Variants in RABGAP1 observed in about 807,000 individuals in gnomAD.
RABGAP1 encodes RAB GTPase activating protein 1.
A neutral mutation model predicts 137.6 loss-of-function variants in RABGAP1; 23 were observed. The ratio of observed to expected loss-of-function variants is 0.17; its 90% confidence interval spans 0.12 to 0.24. The LOEUF (loss-of-function observed/expected upper bound fraction) is 0.24. Ranked by LOEUF, RABGAP1 falls within the 10% of genes least tolerant of loss-of-function variation. The pLI is 1.00. For missense variants in RABGAP1, 906 were observed against 1,275.8 expected, an observed-to-expected ratio of 0.71 and a Z score of 4.42; for synonymous variants, 451 against 450.7, an observed-to-expected ratio of 1.00 and a Z score of -0.01.
chr9:123,004,546 G>A (rs890739860), intron 10 of RABGAP1, among the ~76,000 whole-genome samples: 1 of 152,008 alleles, frequency 6.6e-6, no homozygotes, highest in Non-Finnish European at 1.5e-5. Flanking sequence ...GCCTCCCAAA[G>A]TGCTGAGATT....
At chr9:122,941,951 C>CCCG (rs1163701702) in intron 1 of RABGAP1, among the ~76,000 whole-genome samples, 2 of 152,230 alleles carry the variant, frequency 1.3e-5, no homozygotes, top group African/African-American at 4.8e-5. Context: ...TGCTAGTGTT[C>CCCG]CCGCTACTAG....
intron 12 of RABGAP1, among the ~76,000 whole-genome samples, chr9:123,016,635 A>G (rs1318653596): frequency 6.6e-6 from 1 of 152,222 alleles, no homozygotes; most frequent in Non-Finnish European, 1.5e-5. Flanking sequence ...CTCCTTGAAT[A>G]GGATGCCAGT....
intron 15 of RABGAP1, among the ~76,000 whole-genome samples, chr9:123,071,813 G>A (rs1180556621): frequency 6.6e-6 from 1 of 152,170 alleles, no homozygotes; most frequent in East Asian, 1.9e-4. Flanking sequence ...AGAGAATAGA[G>A]TGTTAATGGG....
intron 13 of RABGAP1, among the ~76,000 whole-genome samples, chr9:123,022,607 A>G (rs1430246488): frequency 1.3e-5 from 2 of 151,906 alleles, no homozygotes; most frequent in Non-Finnish European, 1.5e-5. Context: ...GGGTTTCACC[A>G]TATTGGCCAG....
chr9:122,993,209 A>G (rs987675252), intron 6 of RABGAP1, among the ~76,000 whole-genome samples: 1 of 152,152 alleles, frequency 6.6e-6, no homozygotes, highest in African/African-American at 2.4e-5. Context: ...ATAAATATAG[A>G]CAAAGTATGA....
chr9:123,026,669 AC>A (rs2031989428), intron 13 of RABGAP1, among the ~76,000 whole-genome samples: 1 of 152,186 alleles, frequency 6.6e-6, no homozygotes, highest in Admixed American at 6.5e-5. Context: ...GGCTTCTCTT[AC>A]CTCCAGTTGC....
intron 13 of RABGAP1, among the ~76,000 whole-genome samples, chr9:123,028,259 C>T (rs758045078): frequency 2.6e-5 from 4 of 152,176 alleles, no homozygotes; most frequent in Non-Finnish European, 5.9e-5. Flanking sequence ...ATAAAAAATA[C>T]CTTTTGAATG....
Position 122,967,218 on chromosome 9 carries a change from A to T in RABGAP1, c.150+10009A>T, listed in dbSNP as rs574726530. 2.6e-5 allele frequency among the ~76,000 whole-genome samples: 4 copies of T among 152,306 alleles called. 1 individual carries two copies. The South Asian group carries it at 8.3e-4, about 32-fold the overall frequency. On this transcript the variant is annotated intron_variant, in intron 2 of 25. Coordinates refer to ENST00000373647, the MANE Select transcript of RABGAP1 (RefSeq NM_012197.4). ...CAGGCCTTGGGGATCCTCAAGAATA[A>T]TGGGTTTTTTTGGAGAGATTGGACT...
intron 1 of RABGAP1, among the ~76,000 whole-genome samples, chr9:122,956,486 G>A (rs1053508496): frequency 1.3e-5 from 2 of 151,710 alleles, no homozygotes; most frequent in South Asian, 2.1e-4. Context: ...CCGTCTCTAC[G>A]AAAAATACAA....
chr9:123,061,699 A>G (rs1034848260), intron 13 of RABGAP1: 2 of 152,248 alleles, frequency 1.3e-5, no homozygotes, highest in African/African-American at 4.8e-5. Flanking sequence ...ACAAAACAAA[A>G]CAAAACAACC....
intron 13 of RABGAP1, chr9:123,034,813 G>T (rs148759411): frequency 3.3e-5 from 53 of 1,613,810 alleles, no homozygotes; most frequent in Non-Finnish European, 4.5e-5. Context: ...GGTGAGCTGC[G>T]TGGTCCCTTC....
intron 2 of RABGAP1, among the ~76,000 whole-genome samples, chr9:122,959,360 T>G (rs1313569629): frequency 1.1e-5 from 1 of 91,590 alleles, no homozygotes; most frequent in African/African-American, 3.9e-5. Flanking sequence ...AGTGTGGGGC[T>G]TTACAAAAAA....
chr9:122,949,092 T>C (rs550410013), intron 1 of RABGAP1, among the ~76,000 whole-genome samples: 16 of 152,306 alleles, frequency 1.1e-4, no homozygotes, highest in African/African-American at 3.6e-4. Context: ...AAAGAAGCGT[T>C]GGGCTAGGTG....
chr9:122,948,357 A>G (rs1834050503), intron 1 of RABGAP1, among the ~76,000 whole-genome samples: 1 of 152,078 alleles, frequency 6.6e-6, no homozygotes, highest in African/African-American at 2.4e-5. Context: ...CAATCCAGAA[A>G]AGAACAGAGA....
In RABGAP1 at chr9:122,990,115, A is replaced by G. The variant is rs1836594250; in HGVS notation, c.825A>G (p.Pro275=). ...TAFRRSAKQT[P]LSATAAPQTP... ...TCCGCCGTTCTGCCAAGCAGACCCCACTTTCAGCCACTGCTGCACCCCAGA... is the reference window on the plus strand; with the variant it reads ...TCCGCCGTTCTGCCAAGCAGACCCCGCTTTCAGCCACTGCTGCACCCCAGA... Residue 275 remains proline (P), a synonymous_variant, in exon 6 of 26, where the codon CCA becomes CCG. Transcript: ENST00000373647. 1 of 1,610,570 alleles carries G rather than the reference A, an allele frequency of 6.2e-7. No homozygotes were observed. The highest frequency in any genetic ancestry group is 8.5e-7 in the Non-Finnish European group (1 of 1,176,920).
Position 123,070,243 on chromosome 9 carries a change from G to C in RABGAP1, c.1909-107G>C, listed in dbSNP as rs2034311326. 4 of 1,535,828 alleles carry C rather than the reference G, an allele frequency of 2.6e-6. No individual in the cohort carries two copies. The highest frequency in any genetic ancestry group is 2.3e-5 in the East Asian group (1 of 43,538). On this transcript the variant is annotated intron_variant, in intron 14 of 25. Coordinates refer to ENST00000373647, the MANE Select transcript of RABGAP1 (RefSeq NM_012197.4). This position sits in a 1 kb window ranked among gnomAD's most constrained non-coding sequence, Gnocchi z 4.4. ...TACTGTCTGTCAAAATGCTGTCCCAGTGTGGGTAGCATCCTCCAGGGTTCT... is the reference window on the plus strand; with the variant it reads ...TACTGTCTGTCAAAATGCTGTCCCACTGTGGGTAGCATCCTCCAGGGTTCT...
Position 123,098,712 on chromosome 9 carries a change from C to T in RABGAP1, c.2734-3C>T, listed in dbSNP as rs759539039. 6.2e-7 allele frequency: 1 copy of T among 1,609,458 alleles called. No homozygotes were observed. The highest frequency in any genetic ancestry group is 8.5e-7 in the Non-Finnish European group (1 of 1,177,982). ...AGTCCCTTTTGTTTTTTTATGTGTGCAGTTAAAAGAAATGTGCCGTCGGGA... is the reference window on the plus strand; with the variant it reads ...AGTCCCTTTTGTTTTTTTATGTGTGTAGTTAAAAGAAATGTGCCGTCGGGA... On this transcript the variant is annotated splice_region_variant and splice_polypyrimidine_tract_variant and intron_variant, in intron 22 of 25. Transcript: ENST00000373647.
At chr9:123,034,096 G>C (rs1298744351) in intron 13 of RABGAP1, 1 of 166,494 alleles carries the variant, frequency 6.0e-6, no homozygotes, top group African/African-American at 2.4e-5. Flanking sequence ...GATGATGCCA[G>C]CCTGAGCTAG....
At chr9:122,990,783 AAAAAAAAAAAAAAATATATATATATAT>A (rs1239681391) in intron 6 of RABGAP1, 2 of 80,570 alleles carry the variant, frequency 2.5e-5, no homozygotes, top group African/African-American at 6.1e-5. Context: ...AAAAAAAAAA[AAAAAAAAAAAAAAATATATATATATAT>A]ATATATATAT....
Sources: gnomAD v4.1 joint callset for allele counts (sites outside exome capture counted in the v4.1 genomes callset) on GRCh38, gnomAD v4.1.1 for gene constraint, Gnocchi (gnomAD v3.1) non-coding constraint, MANE v1.5 for transcripts, NCBI Gene and HGNC (gene_info 2026-07-23, HGNC 2026-07-21) for gene names.